The following KCNT2 variants were observed in gnomAD, a reference collection of about 807,000 sequenced individuals.
The protein encoded by KCNT2 is potassium sodium-activated channel subfamily T member 2.
In KCNT2, 67 loss-of-function variants were observed where a neutral mutation model predicts 153.8. The ratio of observed to expected loss-of-function variants is 0.44; its 90% CI spans 0.36 to 0.53. The LOEUF (loss-of-function observed/expected upper bound fraction) is 0.53. Among genes scored for constraint, KCNT2 ranks in the 20% least tolerant of loss-of-function variants. The pLI, the probability that KCNT2 is intolerant of heterozygous loss-of-function variation, is 0.00. For synonymous variants in KCNT2, 500 were observed against 458.8 expected (o/e 1.09, Z -1.15); for missense variants, 975 against 1,354.8 (o/e 0.72, Z 4.40).
intron 1 of KCNT2, among the ~76,000 whole-genome samples, chr1:196,590,103 T>TA (rs563633549): frequency 3.3e-5 from 5 of 151,872 alleles, no homozygotes; most frequent in Admixed American, 6.6e-5. Context: ...TTTATACAAA[T>TA]AAAAAAAATG....
At chr1:196,390,306 G>A (rs1054371068) in intron 13 of KCNT2, among the ~76,000 whole-genome samples, 4 of 151,506 alleles carry the variant, frequency 2.6e-5, no homozygotes, top group African/African-American at 9.7e-5. Context: ...ATATTCTGGT[G>A]TTAAATAGAC....
rs988372776 is a variant in KCNT2 at position 196,306,736 on chromosome 1, C to CT, written c.2484-1392dup. 6.9e-3 allele frequency among the ~76,000 whole-genome samples: 988 copies of CT among 142,624 alleles called. 15 individuals carry two copies. The highest frequency in any genetic ancestry group is 0.022 in the African/African-American group (847 of 39,240). 93.6% of individuals were successfully genotyped at this position (142,624 alleles called of 152,430 possible). A position where few individuals can be genotyped will look rare whatever the true frequency, so the allele number is the denominator to read the frequency against. Reference sequence around the variant, plus strand: ...GTTTTGGTTTTTTTTTGTTTGCTTGCTTTTTTTTTTTTAGAGTTGTCTGTA... The same window carrying CT: ...GTTTTGGTTTTTTTTTGTTTGCTTGCTTTTTTTTTTTTTAGAGTTGTCTGTA... On this transcript the variant is annotated intron_variant, in intron 21 of 27. Coordinates refer to ENST00000294725, the MANE Select transcript of KCNT2 (RefSeq NM_198503.5).
chr1:196,227,521 T>C lies in KCNT2; in HGVS notation c.*703A>G, dbSNP rs1187945616. The C allele has an allele frequency of 6.6e-6, 1 of 152,140 alleles. No individual in the cohort carries two copies. The highest frequency in any genetic ancestry group is 2.4e-5 in the African/African-American group (1 of 41,466). 9.4% of individuals were successfully genotyped at this position (152,140 alleles called of 1,614,324 possible). Reference sequence around the variant, plus strand: ...GCTTTATAGTATGCTTTTCTTGGCATAAAATATTTGCTAGACATAAAGTTA... The same window carrying C: ...GCTTTATAGTATGCTTTTCTTGGCACAAAATATTTGCTAGACATAAAGTTA... On this transcript the variant is annotated 3_prime_UTR_variant, in exon 28 of 28. Coordinates refer to ENST00000294725, the MANE Select transcript of KCNT2 (RefSeq NM_198503.5).
intron 12 of KCNT2, among the ~76,000 whole-genome samples, chr1:196,414,233 A>G (rs1672571340): frequency 6.6e-6 from 1 of 151,770 alleles, no homozygotes; most frequent in Non-Finnish European, 1.5e-5. Context: ...TCAAAATACT[A>G]TAAAAAACTA....
chr1:196,510,414 C>G (rs1203121982), intron 1 of KCNT2, among the ~76,000 whole-genome samples: 3 of 151,932 alleles, frequency 2.0e-5, no homozygotes, highest in African/African-American at 7.3e-5. Flanking sequence ...AGCCTGGAGC[C>G]CACACAATTT....
intron 14 of KCNT2, among the ~76,000 whole-genome samples, chr1:196,359,034 G>C (rs1667405383): frequency 6.6e-6 from 1 of 151,934 alleles, no homozygotes; most frequent in African/African-American, 2.4e-5. Flanking sequence ...TATCTGCTAA[G>C]GTGGACTTCG....
At chr1:196,299,112 G>A (rs1402971397) in intron 22 of KCNT2, among the ~76,000 whole-genome samples, 4 of 151,896 alleles carry the variant, frequency 2.6e-5, no homozygotes, top group African/African-American at 7.3e-5. Flanking sequence ...ATACATCAAA[G>A]CAAGAGAAAA....
intron 14 of KCNT2, among the ~76,000 whole-genome samples, chr1:196,354,141 T>C (rs1054263692): frequency 2.6e-5 from 4 of 151,844 alleles, no homozygotes; most frequent in Non-Finnish European, 5.9e-5. Flanking sequence ...TTTATGTATA[T>C]AAGAATGCCA....
chr1:196,277,753 A>T (rs1233373913), intron 25 of KCNT2, among the ~76,000 whole-genome samples: 1 of 152,188 alleles, frequency 6.6e-6, no homozygotes, highest in Non-Finnish European at 1.5e-5. Context: ...TTTGTTTTTG[A>T]ATCATTTCAT....
rs190305867 is a variant in KCNT2 at position 196,394,164 on chromosome 1, C to A, written c.1294+4399G>T. 1.3e-4 allele frequency among the ~76,000 whole-genome samples: 19 copies of A among 151,528 alleles called. No homozygotes were observed. The East Asian group carries it at 3.5e-3, about 28-fold the overall frequency. On this transcript the variant is annotated intron_variant, in intron 13 of 27. Transcript: ENST00000294725. ...GAATTTGTATCCTGGTAAAAGAAAA[C>A]GAGTTTAGGCTGACAATGGAGGTAT...
At chr1:196,235,429 G>A (rs1463360696) in intron 27 of KCNT2, among the ~76,000 whole-genome samples, 1 of 151,466 alleles carries the variant, frequency 6.6e-6, no homozygotes. Context: ...GTGCTATTAT[G>A]TATTGCTATT....
At chr1:196,275,574 T>C (rs916575064) in intron 25 of KCNT2, among the ~76,000 whole-genome samples, 1 of 151,890 alleles carries the variant, frequency 6.6e-6, no homozygotes, top group Non-Finnish European at 1.5e-5. Flanking sequence ...GCTTTCCCAC[T>C]CCCACAGCCA....
intron 1 of KCNT2, among the ~76,000 whole-genome samples, chr1:196,541,546 G>C (rs1258698245): frequency 6.6e-6 from 1 of 152,068 alleles, no homozygotes. Flanking sequence ...TATTGTCAGA[G>C]AATGCTTTTA....
At chr1:196,416,551 G>A (rs546439366) in intron 12 of KCNT2, among the ~76,000 whole-genome samples, 9 of 152,064 alleles carry the variant, frequency 5.9e-5, no homozygotes, top group African/African-American at 1.2e-4. Flanking sequence ...AACTTTTCAC[G>A]GCTATATATG....
chr1:196,541,052 C>T (rs768648524), intron 1 of KCNT2, among the ~76,000 whole-genome samples: 4 of 151,244 alleles, frequency 2.6e-5, no homozygotes, highest in African/African-American at 7.3e-5. Flanking sequence ...GGTGACAGAG[C>T]GAGAGTCCGT....
At position 196,232,382 on chromosome 1, in the gene KCNT2, ATTGATGCAG is replaced by A. The variant is rs552052939; in HGVS notation, c.3296+3595_3296+3603del. 4.0e-3 allele frequency among the ~76,000 whole-genome samples: 610 copies of A among 151,916 alleles called. 2 individuals are homozygous for A. The highest frequency in any genetic ancestry group is 6.9e-3 in the Non-Finnish European group (470 of 67,746). On this transcript the variant is annotated intron_variant, in intron 27 of 27. Coordinates refer to ENST00000294725, the MANE Select transcript of KCNT2 (RefSeq NM_198503.5). Reference sequence around the variant, plus strand: ...GTATAATCCATTATTCTCTGCATTCATTGATGCAGTAGCAAAAGTTCCTTTTCCTATTAT... The same window carrying A: ...GTATAATCCATTATTCTCTGCATTCATAGCAAAAGTTCCTTTTCCTATTAT...
At chr1:196,258,553 T>C in intron 25 of KCNT2, 59 bp from the exon 26 acceptor site, 2 of 1,193,016 alleles carry the variant, frequency 1.7e-6, no homozygotes, top group Non-Finnish European at 2.4e-6. Flanking sequence ...GGCTTGAAGT[T>C]GAAATAATAT....
chr1:196,240,129 C>T (rs1461909611), intron 26 of KCNT2, among the ~76,000 whole-genome samples: 1 of 152,048 alleles, frequency 6.6e-6, no homozygotes, highest in Admixed American at 6.6e-5. Flanking sequence ...TCTGAAAACA[C>T]ATATCCATTG....
chr1:196,545,686 G>A (rs1656977105), intron 1 of KCNT2, among the ~76,000 whole-genome samples: 1 of 151,708 alleles, frequency 6.6e-6, no homozygotes, highest in African/African-American at 2.4e-5. Flanking sequence ...AAAAGAAATG[G>A]TGCACCCATT....
Sources: allele counts gnomAD v4.1 joint callset (sites outside exome capture counted in the v4.1 genomes callset), GRCh38; gene constraint gnomAD v4.1.1; transcripts MANE v1.5; gene names NCBI Gene and HGNC (gene_info 2026-07-23, HGNC 2026-07-21).